Variants in MINAR1 observed in about 807,000 individuals in gnomAD.
MINAR1 encodes the protein membrane integral NOTCH2 associated receptor 1, also known as major intrinsically disordered Notch2-binding receptor 1.
A neutral mutation model predicts 65.1 loss-of-function variants in MINAR1; 40 were observed. The observed-to-expected ratio is 0.61, with a 90% CI of 0.48 to 0.80. MINAR1 has a LOEUF of 0.80. MINAR1 is among the 30% of genes least tolerant of loss of function. The probability of loss-of-function intolerance (pLI) is 0.00; values close to 1 mark genes in which losing one functional copy is unlikely to be tolerated. For missense variants in MINAR1, 1,128 were observed against 1,148.0 expected, an observed-to-expected ratio of 0.98 and a Z score of 0.25; for synonymous variants, 482 against 449.1, an observed-to-expected ratio of 1.07 and a Z score of -0.93.
At chr15:79,430,740 A>G (rs1894416775), upstream of MINAR1, among the ~76,000 whole-genome samples, 1 of 152,206 alleles carries the variant, frequency 6.6e-6, no homozygotes, top group Non-Finnish European at 1.5e-5. Context: ...TTGCCTCACA[A>G]TAAGGTAATA....
rs556069499 is a variant in MINAR1, at chr15:79,433,748, T to C, written c.-51+1208T>C. Among the ~76,000 whole-genome samples, 3 of 152,336 alleles carry C rather than the reference T, an allele frequency of 2.0e-5. No individual in the cohort carries two copies. The South Asian group carries it at 6.2e-4, about 32-fold the overall frequency. ...ATGGAGAGGGACGGTAAATGGCCCT[T>C]CCTTGTCATTTCTCAGACACCAGCA... On this transcript the variant is annotated intron_variant, in intron 1 of 3. Coordinates refer to ENST00000305428, the MANE Select transcript of MINAR1 (RefSeq NM_015206.3).
chr15:79,465,457 C>T (rs1284082919), intron 3 of MINAR1, among the ~76,000 whole-genome samples: 4 of 152,078 alleles, frequency 2.6e-5, no homozygotes, highest in Admixed American at 2.6e-4. Context: ...TGCATACACT[C>T]ACCTGTGTCC....
At chr15:79,464,344 G>C (rs540891436) in intron 3 of MINAR1, among the ~76,000 whole-genome samples, 1 of 152,344 alleles carries the variant, frequency 6.6e-6, no homozygotes, top group East Asian at 1.9e-4. Context: ...GCCCTTGGGG[G>C]CTGGTCAATG....
At chr15:79,427,646 T>C (rs1894343841), upstream of MINAR1, among the ~76,000 whole-genome samples, 1 of 152,212 alleles carries the variant, frequency 6.6e-6, no homozygotes. Context: ...AAAAAGTGTT[T>C]CCCTAGGAAG....
chr15:79,451,857 A>C (rs979374582), intron 1 of MINAR1, among the ~76,000 whole-genome samples: 1 of 152,182 alleles, frequency 6.6e-6, no homozygotes, highest in Non-Finnish European at 1.5e-5. Flanking sequence ...CAAACGCCAG[A>C]GAGGGGTGGA....
Position 79,456,130 on chromosome 15 carries a change from C to A in MINAR1, c.-18C>A. The A allele has an allele frequency of 1.2e-6, 2 of 1,605,786 alleles. No individual in the cohort carries two copies. Among genetic ancestry groups the A allele is most frequent in the Non-Finnish European group, 1.7e-6 (2 of 1,174,502 alleles). ...CTGAAGTTTCAGTGTAGTCAGAGAG[C>A]TCTTCAAGTAATAAATCATGGAGAC... is the stretch of plus-strand genomic sequence containing the variant. On this transcript the variant is annotated 5_prime_UTR_variant, in exon 2 of 4. Coordinates refer to ENST00000305428, the MANE Select transcript of MINAR1 (RefSeq NM_015206.3).
intron 1 of MINAR1, among the ~76,000 whole-genome samples, chr15:79,455,479 AACC>A (rs1009171409): frequency 6.6e-6 from 1 of 152,210 alleles, no homozygotes; most frequent in African/African-American, 2.4e-5. Flanking sequence ...ACAGTCATGT[AACC>A]ACCACCACAA....
At position 79,470,669 on chromosome 15, in the gene MINAR1, T is replaced by G. The variant is rs1275568466; in HGVS notation, c.*2285T>G. The G allele has an allele frequency of 6.6e-6, 1 of 152,212 alleles. No homozygotes were observed. The highest frequency in any genetic ancestry group is 1.5e-5 in the Non-Finnish European group (1 of 68,046). The allele number at this position is 152,212 out of a possible 1,614,324, so 9.4% of individuals were successfully genotyped here. ...AGGATTCTATAGAATATTCTATACT[T>G]TCCATAGCTGGAGAGGTAGTCAGAA... is the stretch of plus-strand genomic sequence containing the variant. On this transcript the variant is annotated 3_prime_UTR_variant, in exon 4 of 4. Coordinates refer to ENST00000305428, the MANE Select transcript of MINAR1 (RefSeq NM_015206.3).
At chr15:79,449,921 C>G (rs1895135848) in intron 1 of MINAR1, among the ~76,000 whole-genome samples, 1 of 152,106 alleles carries the variant, frequency 6.6e-6, no homozygotes, top group East Asian at 1.9e-4. Flanking sequence ...CCATCAAACA[C>G]TCCCCTCCTC....
In MINAR1 at chr15:79,469,214, C is replaced by T. The variant is rs929530481; in HGVS notation, c.*830C>T. 6.6e-6 allele frequency: 1 copy of T among 152,644 alleles called. No homozygotes were observed. Among genetic ancestry groups the T allele is most frequent in the Non-Finnish European group, 1.5e-5 (1 of 68,046 alleles). 9.5% of individuals were successfully genotyped at this position (152,644 alleles called of 1,614,324 possible). On this transcript the variant is annotated 3_prime_UTR_variant, in exon 4 of 4. Coordinates refer to ENST00000305428, the MANE Select transcript of MINAR1 (RefSeq NM_015206.3). ...CTTGCTTTGGTGTGTGGCTCCATTCCTTGATTTTCTATCTCCTGGTGGTAC... is the reference window on the plus strand; with the variant it reads ...CTTGCTTTGGTGTGTGGCTCCATTCTTTGATTTTCTATCTCCTGGTGGTAC...
At chr15:79,460,129 G>A (rs557264603) in intron 2 of MINAR1, among the ~76,000 whole-genome samples, 1 of 152,312 alleles carries the variant, frequency 6.6e-6, no homozygotes, top group South Asian at 2.1e-4. Context: ...CTAACACAAA[G>A]TTGCTAACAC....
At chr15:79,458,847 A>T (rs1397423631) in intron 2 of MINAR1, among the ~76,000 whole-genome samples, 1 of 152,210 alleles carries the variant, frequency 6.6e-6, no homozygotes, top group African/African-American at 2.4e-5. Flanking sequence ...GTGCTGGCTG[A>T]TACATCTTTT....
chr15:79,424,474 C>T, the MINAR1 span: 1 of 152,230 alleles, frequency 6.6e-6, no homozygotes, highest in African/African-American at 2.4e-5. Context: ...TCATTTCATT[C>T]ACAGCACTGT....
In MINAR1 at chr15:79,457,199, C is replaced by A; in HGVS notation, c.1052C>A (p.Ala351Asp). ...GPTPVMGTQE[A>D]RRCLGKPNKQ... The stretch of plus-strand genomic sequence containing the variant: ...ACTCCCGTGATGGGAACCCAAGAAG[C>A]CAGGCGCTGTCTAGGGAAGCCCAAC... Residue 351 changes from alanine to aspartate, a missense_variant, in exon 2 of 4, where the codon GCC becomes GAC. By Grantham distance (126) the Ala-to-Asp change is moderately radical (BLOSUM62 -2). Transcript: ENST00000305428. 1 of 1,614,108 alleles carries A rather than the reference C, an allele frequency of 6.2e-7. No homozygotes were observed. Among genetic ancestry groups the A allele is most frequent in the East Asian group, 2.2e-5 (1 of 44,870 alleles).
intron 1 of MINAR1, among the ~76,000 whole-genome samples, chr15:79,436,700 G>T (rs117196258): frequency 6.6e-6 from 1 of 152,126 alleles, no homozygotes; most frequent in African/African-American, 2.4e-5. Flanking sequence ...CCATGCATAC[G>T]CATGCATGTC....
At chr15:79,418,113 G>C in the MINAR1 span, 2 of 152,204 alleles carry the variant, frequency 1.3e-5, no homozygotes, top group Non-Finnish European at 1.5e-5. Flanking sequence ...ATTCTCCTTG[G>C]AGATAAAGGA....
intron 1 of MINAR1, among the ~76,000 whole-genome samples, chr15:79,436,218 C>T (rs1032052308): frequency 2.6e-5 from 4 of 152,166 alleles, no homozygotes; most frequent in Admixed American, 6.5e-5. Context: ...ACCTAGCATA[C>T]GTGACTGATG....
the MINAR1 span, chr15:79,413,013 AAC>A: frequency 6.6e-6 from 1 of 152,214 alleles, no homozygotes; most frequent in African/African-American, 2.4e-5. Flanking sequence ...CTCATCTTAT[AAC>A]ACAAGCAAAC....
the MINAR1 span, chr15:79,424,523 CAAAT>C: frequency 1.3e-5 from 2 of 152,184 alleles, no homozygotes; most frequent in African/African-American, 2.4e-5. Context: ...GATAAAATAA[CAAAT>C]AAACCAAATC....
Sources: allele counts gnomAD v4.1 joint callset (sites outside exome capture counted in the v4.1 genomes callset), GRCh38; gene constraint gnomAD v4.1.1; transcripts MANE v1.5; gene names NCBI Gene and HGNC (gene_info 2026-07-23, HGNC 2026-07-21).